The following SYNE2 variants were observed in gnomAD, a reference collection of about 807,000 sequenced individuals.
SYNE2 encodes nesprin-2.
A neutral mutation model predicts 856.3 loss-of-function variants in SYNE2; 431 were observed. The ratio of observed to expected loss-of-function variants is 0.50; its 90% CI spans 0.47 to 0.55. The LOEUF is 0.55. Among genes scored for constraint, SYNE2 ranks in the 20% least tolerant of loss-of-function variants. The probability of loss-of-function intolerance (pLI) is 0.00; values close to 1 mark genes in which losing one functional copy is unlikely to be tolerated. For missense variants in SYNE2, 8,129 were observed against 8,023.2 expected, an observed-to-expected ratio of 1.01 and a Z score of -0.50; for synonymous variants, 2,923 against 2,872.3, an observed-to-expected ratio of 1.02 and a Z score of -0.56.
intron 63 of SYNE2, chr14:64,099,295 G>A (rs2097702226): frequency 5.9e-6 from 1 of 170,046 alleles, no homozygotes; most frequent in South Asian, 1.4e-4. Context: ...TGTCTTTTCT[G>A]ACGTCAGTTT....
chr14:63,773,108 AT>A (rs1297007151), intron 1 of SYNE2, among the ~76,000 whole-genome samples: 1 of 151,922 alleles, frequency 6.6e-6, no homozygotes, highest in Non-Finnish European at 1.5e-5. Flanking sequence ...GTTATTTGCC[AT>A]TTTATTGTTG....
chr14:64,051,329 C>G (rs1360711815), intron 47 of SYNE2, among the ~76,000 whole-genome samples: 6 of 149,604 alleles, frequency 4.0e-5, no homozygotes, highest in Non-Finnish European at 8.9e-5. Context: ...TTTTTTCACT[C>G]AAAGTAAAAG....
chr14:64,020,096 A>G lies in SYNE2; in HGVS notation c.5151+3A>G. ...GTGAAATACCTCTTGAATTGCAGGT[A>G]AGAATTTTTATTTAAAAGTTTCAGT... On this transcript the variant is annotated splice_donor_region_variant and intron_variant, in intron 35 of 115. Coordinates refer to ENST00000555002, the MANE Select transcript of SYNE2 (RefSeq NM_182914.3). 6.2e-7 allele frequency: 1 copy of G among 1,600,404 alleles called. No individual in the cohort carries two copies. Among genetic ancestry groups the G allele is most frequent in the Non-Finnish European group, 8.6e-7 (1 of 1,167,700 alleles).
rs576211990 is a variant in SYNE2 at position 63,799,671 on chromosome 14, C to T, written c.-305+37685C>T. Among the ~76,000 whole-genome samples, 31 of 152,088 alleles carry T rather than the reference C, an allele frequency of 2.0e-4. 1 individual carries two copies. The highest frequency in any genetic ancestry group is 6.2e-4 in the South Asian group (3 of 4,816). On this transcript the variant is annotated intron_variant, in intron 1 of 23. Transcript: ENST00000674003. ...GTGAGCCACTGCACTCCAGCCTGGG[C>T]GACAGAGAGAGACTCTGTCTCAAAA...
intron 2 of SYNE2, among the ~76,000 whole-genome samples, chr14:63,924,990 A>G (rs1312967834): frequency 6.6e-6 from 1 of 151,806 alleles, no homozygotes. Flanking sequence ...TTTCTTCATC[A>G]GTGTTCTTCA....
intron 107 of SYNE2, 63 bp from the exon 108 acceptor site, chr14:64,216,185 C>T (rs2098665498): frequency 6.2e-7 from 1 of 1,610,396 alleles, no homozygotes; most frequent in East Asian, 2.2e-5. Flanking sequence ...AACCTGATGC[C>T]ATGTCACCCG....
At chr14:63,879,087 T>C (rs567481261) in intron 1 of SYNE2, among the ~76,000 whole-genome samples, 15 of 151,560 alleles carry the variant, frequency 9.9e-5, no homozygotes, top group Non-Finnish European at 1.8e-4. Context: ...TGCTAAGGAG[T>C]TTACAGGAGC....
At chr14:63,797,893 C>T (rs1038471451) in intron 1 of SYNE2, among the ~76,000 whole-genome samples, 2 of 152,216 alleles carry the variant, frequency 1.3e-5, no homozygotes, top group African/African-American at 2.4e-5. Flanking sequence ...ACATTAGAAC[C>T]AGTCATGTAT....
chr14:63,784,622 A>G (rs1178977122), intron 1 of SYNE2, among the ~76,000 whole-genome samples: 5 of 151,940 alleles, frequency 3.3e-5, no homozygotes, highest in Non-Finnish European at 7.4e-5. Flanking sequence ...GGCCTCCCAA[A>G]GTGCTGGGAT....
rs531359906 is a variant in SYNE2, at chr14:64,136,611, T to C, written c.14647-1176T>C. Among the ~76,000 whole-genome samples, 75 of 152,324 alleles carry C rather than the reference T, an allele frequency of 4.9e-4. No individual in the cohort carries two copies. The East Asian group carries it at 0.011, about 23-fold the overall frequency. ...GCTGAATCCAGCTGTGTTAGATAATTACCTTTAGACAGACTTCTCTTCAAA... is the reference window on the plus strand; with the variant it reads ...GCTGAATCCAGCTGTGTTAGATAATCACCTTTAGACAGACTTCTCTTCAAA... On this transcript the variant is annotated intron_variant, in intron 78 of 115. Transcript: ENST00000555002.
At chr14:63,819,139 T>TA in intron 1 of SYNE2, among the ~76,000 whole-genome samples, 1 of 151,792 alleles carries the variant, frequency 6.6e-6, no homozygotes, top group Non-Finnish European at 1.5e-5. Flanking sequence ...CCTTTGACAT[T>TA]AAAAAAAAGA....
Position 64,051,626 on chromosome 14 carries a change from A to G in SYNE2, c.7713A>G (p.Lys2571=), listed in dbSNP as rs1287672173. The part of the protein sequence containing the change: ...KKFIASIEKE[K]DSLGNLKIKW... Reference sequence around the variant, plus strand: ...TCATAGCATCCATAGAAAAAGAGAAAGATTCTTTAGGCAACTTGAAAATCA... The same window carrying G: ...TCATAGCATCCATAGAAAAAGAGAAGGATTCTTTAGGCAACTTGAAAATCA... The change falls in exon 48 of 116, where the codon AAA becomes AAG. Residue 2571 remains lysine, a synonymous_variant. Transcript: ENST00000555002. 3 of 1,614,052 alleles carry G rather than the reference A, an allele frequency of 1.9e-6. No individual in the cohort carries two copies. Among genetic ancestry groups the G allele is most frequent in the Admixed American group, 1.7e-5 (1 of 59,978 alleles).
intron 1 of SYNE2, among the ~76,000 whole-genome samples, chr14:63,795,733 C>T (rs1887895421): frequency 6.6e-6 from 1 of 152,078 alleles, no homozygotes; most frequent in African/African-American, 2.4e-5. Context: ...TCATAATAGC[C>T]AAGAAGTGGA....
chr14:64,192,074 G>A (rs1024232641), intron 99 of SYNE2, among the ~76,000 whole-genome samples: 3 of 152,338 alleles, frequency 2.0e-5, no homozygotes, highest in South Asian at 2.1e-4. Flanking sequence ...CTCTTAGGTC[G>A]TGTGTTTATT....
At chr14:63,855,710 C>T (rs1422122016) in intron 1 of SYNE2, among the ~76,000 whole-genome samples, 1 of 152,214 alleles carries the variant, frequency 6.6e-6, no homozygotes, top group Non-Finnish European at 1.5e-5. Flanking sequence ...CTCCGTAGCA[C>T]TTATGGCTAT....
At chr14:63,905,358 T>C (rs1326419119) in intron 1 of SYNE2, among the ~76,000 whole-genome samples, 4 of 152,150 alleles carry the variant, frequency 2.6e-5, no homozygotes, top group Admixed American at 2.0e-4. Flanking sequence ...TGTTCATAGT[T>C]TGATAGCAAT....
At chr14:64,127,581 A>G (rs377149551) in intron 73 of SYNE2, among the ~76,000 whole-genome samples, 8 of 152,142 alleles carry the variant, frequency 5.3e-5, no homozygotes, top group African/African-American at 1.9e-4. Context: ...GGGAGCCATT[A>G]AGGTTTTTGA....
intron 30 of SYNE2, among the ~76,000 whole-genome samples, chr14:64,004,906 T>C (rs1408016442): frequency 6.6e-6 from 1 of 152,072 alleles, no homozygotes; most frequent in African/African-American, 2.4e-5. Flanking sequence ...AGAAATTCTA[T>C]GTAAGGAAGG....
intron 2 of SYNE2, among the ~76,000 whole-genome samples, chr14:63,913,142 C>T (rs2095493187): frequency 6.6e-6 from 1 of 152,048 alleles, no homozygotes; most frequent in Admixed American, 6.6e-5. Context: ...GCTATGATAC[C>T]CAGGCTGGTT....
Sources: gnomAD v4.1 joint callset for allele counts (sites outside exome capture counted in the v4.1 genomes callset) on GRCh38, gnomAD v4.1.1 for gene constraint, MANE v1.5 for transcripts, NCBI Gene and HGNC (gene_info 2026-07-23, HGNC 2026-07-21) for gene names.